The following DAB1 variants were observed in gnomAD, a reference collection of about 807,000 sequenced individuals.
DAB1 encodes the protein disabled homolog 1.
Under a neutral mutation model 64.6 loss-of-function variants are expected in DAB1, and 15 were observed. The ratio of observed to expected loss-of-function variants is 0.23; its 90% CI spans 0.16 to 0.36. The LOEUF (loss-of-function observed/expected upper bound fraction) is 0.36, where lower values mean the gene tolerates loss of function less well. DAB1 is among the 10% of genes least tolerant of loss of function. DAB1 has a pLI of 1.00. For missense variants in DAB1, 596 were observed against 706.7 expected (o/e 0.84, Z 1.78); for synonymous variants, 235 against 251.9 (o/e 0.93, Z 0.64).
At position 57,553,443 on chromosome 1, in the gene DAB1, AGAAAG is replaced by A. The variant is rs1222425859; in HGVS notation, n.625+96144_625+96148del. ...GAAAGAAAGAAAGAAAGAAAGAAAG[AGAAAG>A]AAAGAAAGAAAGAGAAAGGGAAAGA... On this transcript the variant is annotated intron_variant and non_coding_transcript_variant, in intron 7 of 20. Transcript: ENST00000485760. Among the ~76,000 whole-genome samples, 10 of 2,256 alleles carry A rather than the reference AGAAAG, an allele frequency of 4.4e-3. 1 individual carries two copies. Among genetic ancestry groups the A allele is most frequent in the African/African-American group, 4.7e-3 (9 of 1,924 alleles). The allele number at this position is 2,256 out of a possible 152,430, so 1.5% of individuals were successfully genotyped here. A position where few individuals can be genotyped will look rare whatever the true frequency, so the allele number is the denominator to read the frequency against.
At chr1:57,692,084 T>C (rs2101714825) in intron 6 of DAB1, among the ~76,000 whole-genome samples, 1 of 151,892 alleles carries the variant, frequency 6.6e-6, no homozygotes, top group South Asian at 2.1e-4. Context: ...TGCTCCAGGG[T>C]CCTGACAAGT....
intron 4 of DAB1, among the ~76,000 whole-genome samples, chr1:58,169,840 C>A (rs1236668342): frequency 6.6e-6 from 1 of 152,178 alleles, no homozygotes; most frequent in East Asian, 1.9e-4. Flanking sequence ...ATGTCCCCTT[C>A]AAGCTGTAGG....
At chr1:58,046,545 T>A (rs1647264752) in intron 5 of DAB1, among the ~76,000 whole-genome samples, 1 of 152,222 alleles carries the variant, frequency 6.6e-6, no homozygotes, top group Non-Finnish European at 1.5e-5. Context: ...TACAATGTCA[T>A]ATCATTATTT....
At chr1:57,088,044 A>G (rs1237465358) in intron 4 of DAB1, among the ~76,000 whole-genome samples, 1 of 152,156 alleles carries the variant, frequency 6.6e-6, no homozygotes. Flanking sequence ...AAAGATGTAA[A>G]CAAACACTAA....
chr1:57,151,725 A>G (rs1659684982), intron 2 of DAB1, among the ~76,000 whole-genome samples: 1 of 151,904 alleles, frequency 6.6e-6, no homozygotes, highest in Non-Finnish European at 1.5e-5. Flanking sequence ...AAAAGTTGTT[A>G]GTAATAATAT....
upstream of DAB1, among the ~76,000 whole-genome samples, chr1:57,428,100 G>A (rs567615345): frequency 1.6e-3 from 244 of 152,100 alleles, 2 homozygotes; most frequent in African/African-American, 5.5e-3. Context: ...CCCAGGAGGC[G>A]GAGGGTGCAG....
chr1:57,103,047 A>C (rs1031378880), intron 4 of DAB1, among the ~76,000 whole-genome samples: 2 of 152,210 alleles, frequency 1.3e-5, no homozygotes, highest in Admixed American at 1.3e-4. Flanking sequence ...AGGCCTTTCT[A>C]GAGAAAATGG....
intron 1 of DAB1, among the ~76,000 whole-genome samples, chr1:57,395,190 A>G (rs965945203): frequency 3.9e-5 from 6 of 151,944 alleles, no homozygotes; most frequent in African/African-American, 1.2e-4. Context: ...ACGCTCAGCT[A>G]ATTTTTTGTA....
chr1:58,395,150 T>G (rs1006298821), intron 3 of DAB1, among the ~76,000 whole-genome samples: 1 of 152,036 alleles, frequency 6.6e-6, no homozygotes, highest in African/African-American at 2.4e-5. Context: ...CATCTTATGG[T>G]TGGATTGCAT....
chr1:57,225,496 A>G (rs1277429615), intron 2 of DAB1, among the ~76,000 whole-genome samples: 1 of 152,220 alleles, frequency 6.6e-6, no homozygotes. Context: ...CCAAAGACAC[A>G]GCATACATCA....
chr1:58,399,364 C>T (rs1040685942), intron 3 of DAB1, among the ~76,000 whole-genome samples: 11 of 152,162 alleles, frequency 7.2e-5, no homozygotes, highest in Admixed American at 7.2e-4. Flanking sequence ...AAGGTTACGA[C>T]CAGTGACAGA....
chr1:57,263,140 G>T, intron 2 of DAB1, among the ~76,000 whole-genome samples: 1 of 147,752 alleles, frequency 6.8e-6, no homozygotes, highest in Non-Finnish European at 1.5e-5. Context: ...TTTTGAGACG[G>T]AGTCTCGCTC....
intron 4 of DAB1, among the ~76,000 whole-genome samples, chr1:58,267,999 C>T (rs1410462791): frequency 5.9e-5 from 9 of 152,130 alleles, no homozygotes; most frequent in African/African-American, 2.2e-4. Context: ...CTGAGCCAGG[C>T]AGGGACTCAA....
intron 5 of DAB1, among the ~76,000 whole-genome samples, chr1:57,995,409 G>A (rs1394437743): frequency 6.6e-6 from 1 of 152,024 alleles, no homozygotes; most frequent in African/African-American, 2.4e-5. Context: ...GGGGCACAAA[G>A]GTAACACTAG....
At chr1:57,023,354 C>A (rs1277482032) in intron 11 of DAB1, among the ~76,000 whole-genome samples, 177 bp downstream of exon 11, 1 of 152,164 alleles carries the variant, frequency 6.6e-6, no homozygotes, top group South Asian at 2.1e-4. Flanking sequence ...CAGTAACATC[C>A]CAGAGCTCTG....
chr1:57,776,498 G>GT (rs780117516), intron 6 of DAB1, among the ~76,000 whole-genome samples: 3 of 151,406 alleles, frequency 2.0e-5, no homozygotes, highest in South Asian at 4.2e-4. Flanking sequence ...GTTTCCATCT[G>GT]TTTTTTTATT....
intron 2 of DAB1, among the ~76,000 whole-genome samples, chr1:57,157,570 A>AAG (rs34642210): frequency 0.012 from 1,786 of 148,178 alleles, 22 homozygotes; most frequent in South Asian, 0.015. Flanking sequence ...TGCACTGAGA[A>AAG]AGAGAGAGAG....
chr1:58,371,406 G>T (rs1367804446), intron 3 of DAB1, among the ~76,000 whole-genome samples: 1 of 152,190 alleles, frequency 6.6e-6, no homozygotes, highest in Non-Finnish European at 1.5e-5. Flanking sequence ...ACAGCAATAT[G>T]CATTCACAAA....
At chr1:58,216,910 A>G (rs1397121981) in intron 4 of DAB1, among the ~76,000 whole-genome samples, 3 of 152,202 alleles carry the variant, frequency 2.0e-5, no homozygotes, top group African/African-American at 7.2e-5. Context: ...GAAAAATCAG[A>G]AGGCTTGATG....
Sources: gnomAD v4.1 joint callset for allele counts (sites outside exome capture counted in the v4.1 genomes callset) on GRCh38, gnomAD v4.1.1 for gene constraint, MANE v1.5 for transcripts, NCBI Gene and HGNC (gene_info 2026-07-23, HGNC 2026-07-21) for gene names.